The following LARS2 variants were observed in gnomAD, a reference collection of about 807,000 sequenced individuals.
The protein encoded by LARS2 is leucine--tRNA ligase, mitochondrial.
Under a neutral mutation model 116.6 loss-of-function variants are expected in LARS2, and 81 were observed. The ratio of observed to expected loss-of-function variants is 0.69; its 90% CI spans 0.58 to 0.84. The LOEUF (loss-of-function observed/expected upper bound fraction) is 0.84. LARS2 is among the 40% of genes least tolerant of loss of function. The pLI is 0.00. For missense variants in LARS2, 968 were observed against 1,114.5 expected (o/e 0.87, Z 1.87); for synonymous variants, 396 against 407.2 (o/e 0.97, Z 0.33).
At chr3:45,443,229 C>T (rs1461884995) in intron 6 of LARS2, among the ~76,000 whole-genome samples, 2 of 152,178 alleles carry the variant, frequency 1.3e-5, no homozygotes, top group South Asian at 2.1e-4. Flanking sequence ...TGAATAGGCA[C>T]TTCCCAGTGA....
At chr3:45,416,744 G>T (rs1698428021) in intron 4 of LARS2, among the ~76,000 whole-genome samples, 1 of 151,978 alleles carries the variant, frequency 6.6e-6, no homozygotes, top group Non-Finnish European at 1.5e-5. Flanking sequence ...GCTATGTGTG[G>T]CTACTGGCTA....
chr3:45,474,611 G>A (rs1699582690), intron 9 of LARS2, among the ~76,000 whole-genome samples: 1 of 152,150 alleles, frequency 6.6e-6, no homozygotes, highest in South Asian at 2.1e-4. Flanking sequence ...ATTAAAGAAA[G>A]AGTTTACATT....
intron 5 of LARS2, 40 bp from the exon 6 acceptor site, chr3:45,419,629 C>A (rs188027833): frequency 1.4e-6 from 2 of 1,458,422 alleles, no homozygotes; most frequent in East Asian, 4.5e-5. Context: ...GGCTTTAATC[C>A]CCTCTCTAAA....
At chr3:45,442,131 C>T (rs1698923529) in intron 6 of LARS2, among the ~76,000 whole-genome samples, 1 of 152,158 alleles carries the variant, frequency 6.6e-6, no homozygotes, top group Non-Finnish European at 1.5e-5. Flanking sequence ...AACAATGGTG[C>T]ATTAACGTAG....
chr3:45,425,619 A>ACATTGAG (rs1258560805), intron 6 of LARS2, among the ~76,000 whole-genome samples: 3 of 152,200 alleles, frequency 2.0e-5, no homozygotes, highest in African/African-American at 7.2e-5. Context: ...AGTAGGGTGA[A>ACATTGAG]CATTGAGGTG....
chr3:45,512,423 C>T (rs772826680), intron 15 of LARS2, among the ~76,000 whole-genome samples: 42 of 152,166 alleles, frequency 2.8e-4, no homozygotes, highest in Non-Finnish European at 4.9e-4. Context: ...CTGTTCTTAT[C>T]CTCTTATGAG....
At chr3:45,457,097 G>A (rs1699225704) in intron 7 of LARS2, among the ~76,000 whole-genome samples, 1 of 152,212 alleles carries the variant, frequency 6.6e-6, no homozygotes, top group Non-Finnish European at 1.5e-5. Flanking sequence ...GGCTGCAGGG[G>A]CAACGTCAGG....
intron 6 of LARS2, among the ~76,000 whole-genome samples, chr3:45,432,975 A>G (rs1055794617): frequency 6.6e-6 from 1 of 152,054 alleles, no homozygotes; most frequent in Non-Finnish European, 1.5e-5. Flanking sequence ...TTTACTATGA[A>G]GCGTATATGA....
chr3:45,506,671 G>T (rs909825778), intron 15 of LARS2, among the ~76,000 whole-genome samples: 1 of 152,030 alleles, frequency 6.6e-6, no homozygotes, highest in African/African-American at 2.4e-5. Context: ...TCCATGTTCA[G>T]TGGTGCCCCT....
At position 45,417,491 on chromosome 3, in the gene LARS2, C is replaced by A. The variant is rs1355085607; in HGVS notation, c.373C>A (p.Pro125Thr). Reference sequence around the variant, plus strand: ...CTCTTCTGGGTCCTAGGTCATCAACCCCATGGGATGGGATGCTTTTGGATT... The same window carrying A: ...CTCTTCTGGGTCCTAGGTCATCAACACCATGGGATGGGATGCTTTTGGATT... Reference protein sequence around the residue: ...QKMRGMQVINPMGWDAFGLPA... With the variant: ...QKMRGMQVINTMGWDAFGLPA... The change falls in exon 5 of 22, where the codon CCC (proline) becomes ACC (threonine). Residue 125 changes from proline to threonine, a missense_variant. Transcript: ENST00000645846. 2 of 1,613,588 alleles carry A rather than the reference C, an allele frequency of 1.2e-6. No homozygotes were observed. Among genetic ancestry groups the A allele is most frequent in the Non-Finnish European group, 8.5e-7 (1 of 1,179,654 alleles).
chr3:45,505,609 T>C (rs1700190332), intron 15 of LARS2, among the ~76,000 whole-genome samples: 1 of 151,880 alleles, frequency 6.6e-6, no homozygotes, highest in African/African-American at 2.4e-5. Context: ...CAGAATTACT[T>C]GAGTCCAGGA....
At chr3:45,488,602 C>T (rs371572537) in intron 11 of LARS2, 95 bp from the exon 12 acceptor site, 2 of 745,778 alleles carry the variant, frequency 2.7e-6, no homozygotes, top group Admixed American at 2.1e-5. Context: ...AGATAGTCTC[C>T]TTTAAGAAGC....
intron 20 of LARS2, among the ~76,000 whole-genome samples, chr3:45,535,611 G>C (rs1162944966): frequency 6.6e-6 from 1 of 152,120 alleles, no homozygotes; most frequent in Non-Finnish European, 1.5e-5. Context: ...ATTCATGGTT[G>C]CCATGGGTTA....
At chr3:45,395,402 CCA>C (rs1270664029) in intron 3 of LARS2, among the ~76,000 whole-genome samples, 1 of 152,238 alleles carries the variant, frequency 6.6e-6, no homozygotes, top group Non-Finnish European at 1.5e-5. Flanking sequence ...CAGCCAGTTT[CCA>C]CAGAGTGCTC....
At chr3:45,517,880 T>C in intron 17 of LARS2, 23 bp from the exon 18 acceptor site, 1 of 1,600,968 alleles carries the variant, frequency 6.2e-7, no homozygotes, top group South Asian at 1.1e-5. Flanking sequence ...TCTCTCTTTC[T>C]CATTTACTGA....
chr3:45,538,158 G>A (rs1167304342), intron 20 of LARS2, among the ~76,000 whole-genome samples: 1 of 152,212 alleles, frequency 6.6e-6, no homozygotes, highest in Non-Finnish European at 1.5e-5. Flanking sequence ...CTGAGTTTCT[G>A]TTCCTCACTG....
intron 10 of LARS2, 148 bp downstream of exon 10, chr3:45,476,775 C>A: frequency 1.3e-6 from 1 of 756,466 alleles, no homozygotes; most frequent in Non-Finnish European, 2.1e-6. Context: ...TATTTTGAAA[C>A]ATGAGGATAA....
chr3:45,491,685 A>C lies in LARS2; in HGVS notation c.1408A>C (p.Thr470Pro). Reference protein sequence around the residue: ...PIVHCPVCGPTPVPLEDLPVT... With the variant: ...PIVHCPVCGPPPVPLEDLPVT... ...TGTCCACTGCCCAGTCTGTGGCCCC[A>C]CACCTGTGCCCCTGGAGGACTTGCC... Residue 470 changes from threonine (T) to proline (P), a missense_variant, in exon 13 of 22, where the codon ACA becomes CCA. Thr to Pro is a conservative substitution (Grantham distance 38, BLOSUM62 -1). Transcript: ENST00000645846. 6.2e-7 allele frequency: 1 copy of C among 1,614,174 alleles called. No individual in the cohort carries two copies.
At position 45,434,487 on chromosome 3, in the gene LARS2, G is replaced by T. The variant is rs551686148; in HGVS notation, c.517-12404G>T. ...CTTTCTATTTTCTCATTTGATTCAG[G>T]TGTGTTCATAATTACTTGTTGAAGC... On this transcript the variant is annotated intron_variant, in intron 6 of 21. Coordinates refer to ENST00000645846, the MANE Select transcript of LARS2 (RefSeq NM_015340.4). Among the ~76,000 whole-genome samples the T allele has an allele frequency of 5.3e-5, 8 of 152,224 alleles. No individual in the cohort carries two copies. The South Asian group carries it at 1.7e-3, about 32-fold the overall frequency.
Sources: gnomAD v4.1 joint callset for allele counts (sites outside exome capture counted in the v4.1 genomes callset) on GRCh38, gnomAD v4.1.1 for gene constraint, MANE v1.5 for transcripts, NCBI Gene and HGNC (gene_info 2026-07-23, HGNC 2026-07-21) for gene names.